The following RNF103 variants were observed in gnomAD, a reference collection of about 807,000 sequenced individuals.
The protein encoded by RNF103 is E3 ubiquitin-protein ligase RNF103.
A neutral mutation model predicts 66.2 loss-of-function variants in RNF103; 23 were observed. The ratio of observed to expected loss-of-function variants is 0.35; its 90% CI spans 0.25 to 0.49. The LOEUF (loss-of-function observed/expected upper bound fraction) is 0.49. Ranked by LOEUF, RNF103 falls within the 20% of genes least tolerant of loss-of-function variation. The pLI is 0.98. For missense variants in RNF103, 730 were observed against 814.7 expected (o/e 0.90, Z 1.27); for synonymous variants, 297 against 289.9 (o/e 1.02, Z -0.25).
chr2:86,608,034 T>A (rs1004360323), intron 3 of RNF103, among the ~76,000 whole-genome samples: 9 of 152,270 alleles, frequency 5.9e-5, no homozygotes, highest in South Asian at 2.1e-4. Flanking sequence ...TCAAAAAAAA[T>A]TTTTTTATGA....
intron 1 of RNF103, among the ~76,000 whole-genome samples, chr2:86,622,156 G>A (rs1170809324): frequency 6.6e-6 from 1 of 152,136 alleles, no homozygotes; most frequent in African/African-American, 2.4e-5. Flanking sequence ...GGTGTATACT[G>A]TCTATATTCA....
In RNF103 at chr2:86,603,747, A is replaced by G; in HGVS notation, c.*96T>C. 2.0e-6 allele frequency: 3 copies of G among 1,492,168 alleles called. No individual in the cohort carries two copies. Among genetic ancestry groups the G allele is most frequent in the African/African-American group, 1.4e-5 (1 of 71,308 alleles). 92.4% of individuals were successfully genotyped at this position (1,492,168 alleles called of 1,614,324 possible). Reference sequence around the variant, plus strand: ...GTGTATTTCCCGTCACTGCACTAACATTAAACTAAACTTCAAACCACAAAA... The same window carrying G: ...GTGTATTTCCCGTCACTGCACTAACGTTAAACTAAACTTCAAACCACAAAA... On this transcript the variant is annotated 3_prime_UTR_variant, in exon 4 of 4. Transcript: ENST00000237455.
chr2:86,610,433 T>C (rs1458015449), intron 3 of RNF103, among the ~76,000 whole-genome samples: 1 of 152,234 alleles, frequency 6.6e-6, no homozygotes, highest in African/African-American at 2.4e-5. Flanking sequence ...ATACTTCTGA[T>C]GCACTCTGAT....
rs1360843421 is a variant in RNF103 at position 86,623,836 on chromosome 2, C to T, written c.-950G>A. ...CGTACCCTCCACAACCGTGTATCAG[C>T]GGCGGCCGCGGCCGGAGCCGAGACA... On this transcript the variant is annotated 5_prime_UTR_variant, in exon 1 of 4. Transcript: ENST00000237455. The T allele has an allele frequency of 1.2e-5, 16 of 1,287,870 alleles. No individual in the cohort carries two copies. Among genetic ancestry groups the T allele is most frequent in the Non-Finnish European group, 1.6e-5 (16 of 988,344 alleles). The allele number at this position is 1,287,870 out of a possible 1,614,324, so 79.8% of individuals were successfully genotyped here.
At chr2:86,617,322 A>G in intron 2 of RNF103, 1 of 985,422 alleles carries the variant, frequency 1.0e-6, no homozygotes, top group Non-Finnish European at 1.2e-6. Context: ...CTTCTAAAAT[A>G]CAGTGGTCTC....
At chr2:86,611,447 AGTTATAACTTG>A (rs888987580) in intron 3 of RNF103, among the ~76,000 whole-genome samples, 4 of 152,172 alleles carry the variant, frequency 2.6e-5, no homozygotes, top group African/African-American at 9.7e-5. Flanking sequence ...AATGAGACTA[AGTTATAACTTG>A]GTAGCAAGAG....
chr2:86,620,573 T>C (rs541337413), intron 1 of RNF103, 104 bp from the exon 2 acceptor site: 1 of 1,318,362 alleles, frequency 7.6e-7, no homozygotes, highest in South Asian at 2.4e-5. Context: ...ATATTGTACT[T>C]TCATTGTATT....
chr2:86,619,072 C>A (rs1478814227), intron 2 of RNF103, among the ~76,000 whole-genome samples: 1 of 152,112 alleles, frequency 6.6e-6, no homozygotes. Flanking sequence ...GAAGAATTCC[C>A]AAACCTCAAC....
At chr2:86,608,295 T>A (rs1453758517) in intron 3 of RNF103, among the ~76,000 whole-genome samples, 1 of 152,012 alleles carries the variant, frequency 6.6e-6, no homozygotes, top group African/African-American at 2.4e-5. Context: ...GAGAACAGTC[T>A]GGCCAACATG....
intron 3 of RNF103, among the ~76,000 whole-genome samples, chr2:86,607,207 C>T (rs561170066): frequency 3.3e-5 from 5 of 152,222 alleles, no homozygotes; most frequent in South Asian, 2.1e-4. Flanking sequence ...TATCTGACTT[C>T]GCATTTTGCT....
rs187474090 is a variant in RNF103, at chr2:86,605,786, A to G, written c.483-368T>C. Reference sequence around the variant, plus strand: ...ATTAATGAGACAAAATAGAGATAAAACTGTATATATTCTGTTGCTAAATAA... The same window carrying G: ...ATTAATGAGACAAAATAGAGATAAAGCTGTATATATTCTGTTGCTAAATAA... On this transcript the variant is annotated intron_variant, in intron 3 of 3. Transcript: ENST00000237455. Among the ~76,000 whole-genome samples, 38 of 152,320 alleles carry G rather than the reference A, an allele frequency of 2.5e-4. 1 individual carries two copies. Among genetic ancestry groups the G allele is most frequent in the Admixed American group, 2.2e-3 (34 of 15,306 alleles).
intron 3 of RNF103, among the ~76,000 whole-genome samples, chr2:86,608,238 G>T (rs1392426362): frequency 6.6e-6 from 1 of 152,114 alleles, no homozygotes; most frequent in Non-Finnish European, 1.5e-5. Context: ...TGTAATCCCA[G>T]CACTTTGGGA....
intron 2 of RNF103, chr2:86,612,889 CATT>C (rs1297580061): frequency 6.6e-6 from 1 of 152,060 alleles, no homozygotes; most frequent in Non-Finnish European, 1.5e-5. Context: ...ATGAATTTTA[CATT>C]ATTGAACTTG....
At chr2:86,608,016 T>C (rs761374093) in intron 3 of RNF103, among the ~76,000 whole-genome samples, 14 of 152,366 alleles carry the variant, frequency 9.2e-5, no homozygotes, top group Middle Eastern at 3.4e-3. Context: ...AAAACTTTTA[T>C]TGCCAATTCA....
In RNF103 at chr2:86,603,821, A is replaced by C. The variant is rs1489720813; in HGVS notation, c.*22T>G. ...GCAAGCTGTAAGATACTCAAAGCTT[A>C]TAAAGGACAAATTGCACATGGTTAA... On this transcript the variant is annotated 3_prime_UTR_variant, in exon 4 of 4. Transcript: ENST00000237455. 2 of 1,585,216 alleles carry C rather than the reference A, an allele frequency of 1.3e-6. No individual in the cohort carries two copies. Among genetic ancestry groups the C allele is most frequent in the Admixed American group, 3.7e-5 (2 of 54,294 alleles).
chr2:86,621,708 T>A (rs1371938992), intron 1 of RNF103, among the ~76,000 whole-genome samples: 1 of 152,194 alleles, frequency 6.6e-6, no homozygotes, highest in Non-Finnish European at 1.5e-5. Flanking sequence ...TTGTAAAAGA[T>A]ACAGCTGACA....
At chr2:86,615,375 G>A (rs940170750) in intron 2 of RNF103, 2 of 337,346 alleles carry the variant, frequency 5.9e-6, no homozygotes, top group Non-Finnish European at 8.4e-6. Context: ...TAATTCAACT[G>A]AAGGTTTAGC....
chr2:86,623,313 A>AT lies in RNF103; in HGVS notation c.-428dup. The AT allele has an allele frequency of 1.0e-6, 1 of 988,422 alleles. No individual in the cohort carries two copies. Among genetic ancestry groups the AT allele is most frequent in the African/African-American group, 1.7e-5 (1 of 57,246 alleles). The allele number at this position is 988,422 out of a possible 1,614,324, so 61.2% of individuals were successfully genotyped here. On this transcript the variant is annotated 5_prime_UTR_variant, in exon 1 of 4. Transcript: ENST00000237455. ...TCAAGGGGGAGGGGGAGACCAAAAA[A>AT]TAACTCAGATCCGCCCAGGAGGCGG...
intron 2 of RNF103, chr2:86,613,898 A>G (rs930145673): frequency 1.3e-5 from 2 of 152,174 alleles, no homozygotes; most frequent in African/African-American, 4.8e-5. Context: ...GAATACATAT[A>G]CACAATTTAG....
Sources: gnomAD v4.1 joint callset for allele counts (sites outside exome capture counted in the v4.1 genomes callset) on GRCh38, gnomAD v4.1.1 for gene constraint, MANE v1.5 for transcripts, NCBI Gene and HGNC (gene_info 2026-07-23, HGNC 2026-07-21) for gene names.